Variants in AVL9 observed in about 807,000 individuals in gnomAD.
AVL9 encodes the protein late secretory pathway protein AVL9 homolog.
Under a neutral mutation model 79.2 loss-of-function variants are expected in AVL9, and 49 were observed. That is an observed-to-expected ratio of 0.62 (90% CI 0.49 to 0.79). The LOEUF (loss-of-function observed/expected upper bound fraction) is 0.79. Ranked by LOEUF, AVL9 falls within the 30% of genes least tolerant of loss-of-function variation. The pLI, the probability that AVL9 is intolerant of heterozygous loss-of-function variation, is 0.00. For missense variants in AVL9, 682 were observed against 776.8 expected (o/e 0.88, Z 1.45); for synonymous variants, 299 against 280.6 (o/e 1.07, Z -0.65).
At chr7:32,568,787 T>TA (rs1169392135) in intron 10 of AVL9, among the ~76,000 whole-genome samples, 1 of 152,220 alleles carries the variant, frequency 6.6e-6, no homozygotes, top group Non-Finnish European at 1.5e-5. Flanking sequence ...ACATACTTTT[T>TA]AGTTTTGTTA....
chr7:32,560,721 T>C (rs1216020689), intron 10 of AVL9, among the ~76,000 whole-genome samples: 1 of 152,214 alleles, frequency 6.6e-6, no homozygotes, highest in Non-Finnish European at 1.5e-5. Context: ...CAGAAGACTT[T>C]CAATTTACTT....
Position 32,570,626 on chromosome 7 carries a change from C to CTT in AVL9, c.1350+483_1350+484dup, listed in dbSNP as rs71559238. Among the ~76,000 whole-genome samples, 31 of 144,780 alleles carry CTT rather than the reference C, an allele frequency of 2.1e-4. No homozygotes were observed. In the Middle Eastern group the frequency reaches 0.011, roughly 49 times the overall value. 95.0% of individuals were successfully genotyped at this position (144,780 alleles called of 152,430 possible). The stretch of plus-strand genomic sequence containing the variant: ...TTTTACAACTGAAATAATCTTTTTT[C>CTT]TTTTTTTTTTTTGAGACAGTTTCGT... On this transcript the variant is annotated intron_variant, in intron 11 of 15. Transcript: ENST00000318709.
At chr7:32,545,822 C>A (rs1789469694) in intron 3 of AVL9, among the ~76,000 whole-genome samples, 1 of 152,082 alleles carries the variant, frequency 6.6e-6, no homozygotes, top group African/African-American at 2.4e-5. Context: ...AAGCTCTTTC[C>A]TCTCAAAAGG....
chr7:32,497,974 G>A (rs1250228741), intron 1 of AVL9, among the ~76,000 whole-genome samples: 3 of 152,102 alleles, frequency 2.0e-5, no homozygotes, highest in South Asian at 2.1e-4. Flanking sequence ...CTAAATGTGC[G>A]CTGAGATTGT....
chr7:32,565,414 C>T (rs746234560), intron 10 of AVL9, among the ~76,000 whole-genome samples: 1 of 151,720 alleles, frequency 6.6e-6, no homozygotes, highest in Admixed American at 6.6e-5. Context: ...ACAAAATTAG[C>T]TAGGTGTGGT....
At chr7:32,558,777 T>C in intron 9 of AVL9, 149 bp downstream of exon 9, 1 of 1,008,008 alleles carries the variant, frequency 9.9e-7, no homozygotes, top group Non-Finnish European at 1.4e-6. Flanking sequence ...TTTCTCTCTT[T>C]TGTCTGGGCT....
intron 1 of AVL9, among the ~76,000 whole-genome samples, chr7:32,500,583 T>G (rs1171486047): frequency 6.6e-6 from 1 of 151,410 alleles, no homozygotes. Context: ...AGCTCTTTAG[T>G]TTTTTTTTAA....
chr7:32,495,834 G>A (rs1194338578), intron 1 of AVL9, 32 bp downstream of exon 1: 1 of 1,243,390 alleles, frequency 8.0e-7, no homozygotes, highest in Non-Finnish European at 1.0e-6. Context: ...GCCCCCAGCC[G>A]TTCGGGCGTT....
At chr7:32,523,421 A>G (rs1370781428) in intron 1 of AVL9, among the ~76,000 whole-genome samples, 1 of 151,720 alleles carries the variant, frequency 6.6e-6, no homozygotes, top group Non-Finnish European at 1.5e-5. Context: ...ACTTTTTTTA[A>G]CCAGGTAAGG....
chr7:32,525,132 C>T (rs1788345369), intron 1 of AVL9, among the ~76,000 whole-genome samples: 1 of 152,176 alleles, frequency 6.6e-6, no homozygotes, highest in South Asian at 2.1e-4. Flanking sequence ...TGGAAGGCTG[C>T]TGCTCTGGCT....
At chr7:32,556,519 A>AAATAAATGAATGAATGAATGAATGAATG (rs111960786) in intron 8 of AVL9, among the ~76,000 whole-genome samples, 1 of 149,458 alleles carries the variant, frequency 6.7e-6, no homozygotes, top group East Asian at 2.0e-4. Context: ...ATCTCAAAGT[A>AAATAAATGAATGAATGAATGAATGAATG]AATGAATGAA....
At chr7:32,535,106 C>CA (rs1178338349) in intron 1 of AVL9, 4 of 152,102 alleles carry the variant, frequency 2.6e-5, no homozygotes, top group African/African-American at 9.7e-5. Flanking sequence ...GTCTGTTTCC[C>CA]AAAATAATCA....
At chr7:32,559,620 T>C (rs1583576564) in intron 10 of AVL9, among the ~76,000 whole-genome samples, 156 bp downstream of exon 10, 1 of 152,192 alleles carries the variant, frequency 6.6e-6, no homozygotes, top group African/African-American at 2.4e-5. Flanking sequence ...GTGGCATCCG[T>C]GACCATAGTA....
intron 1 of AVL9, among the ~76,000 whole-genome samples, chr7:32,500,617 A>G (rs1787083250): frequency 6.6e-6 from 1 of 151,926 alleles, no homozygotes; most frequent in Admixed American, 6.6e-5. Context: ...GTTTAATTAG[A>G]TCCCATTTGT....
At chr7:32,552,990 A>G (rs1789902450) in intron 6 of AVL9, among the ~76,000 whole-genome samples, 1 of 152,164 alleles carries the variant, frequency 6.6e-6, no homozygotes, top group Non-Finnish European at 1.5e-5. Context: ...AAAATATTCA[A>G]TGGGCAACTC....
chr7:32,560,404 C>T (rs956788533), intron 10 of AVL9, among the ~76,000 whole-genome samples: 2 of 152,018 alleles, frequency 1.3e-5, no homozygotes, highest in African/African-American at 4.8e-5. Context: ...ACATTCACCA[C>T]ATCTTCTTCA....
chr7:32,561,813 GATTTCAA>G (rs1790345599), intron 10 of AVL9, among the ~76,000 whole-genome samples: 2 of 152,160 alleles, frequency 1.3e-5, no homozygotes. Context: ...TCTAGCTTTT[GATTTCAA>G]ATAAGATGTG....
intron 1 of AVL9, among the ~76,000 whole-genome samples, chr7:32,527,518 G>T (rs1437114168): frequency 6.6e-6 from 1 of 150,718 alleles, no homozygotes; most frequent in East Asian, 2.0e-4. Context: ...TTCGCCTTTG[G>T]TTTTTTTGAT....
intron 8 of AVL9, among the ~76,000 whole-genome samples, chr7:32,556,512 T>A (rs1342519764): frequency 2.9e-5 from 1 of 34,704 alleles, no homozygotes; most frequent in East Asian, 1.1e-3. Flanking sequence ...AGACTCCATC[T>A]CAAAGTAAAT....
Sources: allele counts gnomAD v4.1 joint callset (sites outside exome capture counted in the v4.1 genomes callset), GRCh38; gene constraint gnomAD v4.1.1; transcripts MANE v1.5; gene names NCBI Gene and HGNC (gene_info 2026-07-23, HGNC 2026-07-21).